LRRTM4: variants seen among roughly 807,000 people sequenced by gnomAD.
LRRTM4 encodes leucine-rich repeat transmembrane neuronal protein 4.
A neutral mutation model predicts 47.6 loss-of-function variants in LRRTM4; 25 were observed. That is an observed-to-expected ratio of 0.53 (90% CI 0.38 to 0.73). The LOEUF (loss-of-function observed/expected upper bound fraction) is 0.73. Among genes scored for constraint, LRRTM4 ranks in the 30% least tolerant of loss-of-function variants. The pLI is 0.00. For synonymous variants in LRRTM4, 311 were observed against 269.5 expected (o/e 1.15, Z -1.51); for missense variants, 638 against 713.4 (o/e 0.89, Z 1.20).
intron 3 of LRRTM4, among the ~76,000 whole-genome samples, chr2:76,796,833 G>T (rs181954610): frequency 6.6e-6 from 1 of 152,036 alleles, no homozygotes; most frequent in Non-Finnish European, 1.5e-5. Flanking sequence ...GAAGGCAGAC[G>T]CCTCAGGAGC....
intron 3 of LRRTM4, among the ~76,000 whole-genome samples, chr2:77,099,006 A>C (rs56709893): frequency 0.18 from 27,974 of 151,868 alleles, 3,419 homozygotes; most frequent in East Asian, 0.48. Flanking sequence ...GGAACCATGG[A>C]AAATTATACA....
At chr2:76,974,339 T>C (rs1352271154) in intron 3 of LRRTM4, among the ~76,000 whole-genome samples, 1 of 149,610 alleles carries the variant, frequency 6.7e-6, no homozygotes, top group Admixed American at 6.7e-5. Context: ...ATTTTGGCTT[T>C]ATCACTCCTG....
At chr2:77,274,138 A>T (rs565370819) in intron 3 of LRRTM4, among the ~76,000 whole-genome samples, 1 of 151,944 alleles carries the variant, frequency 6.6e-6, no homozygotes, top group Non-Finnish European at 1.5e-5. Context: ...CTCATATATG[A>T]TCACATTTAC....
chr2:76,944,180 C>T (rs1195746875), intron 3 of LRRTM4, among the ~76,000 whole-genome samples: 1 of 152,074 alleles, frequency 6.6e-6, no homozygotes, highest in Non-Finnish European at 1.5e-5. Context: ...ACTGTGTTTT[C>T]TGCATGTTGT....
chr2:77,380,224 T>C (rs1322287628), intron 3 of LRRTM4, among the ~76,000 whole-genome samples: 2 of 152,176 alleles, frequency 1.3e-5, no homozygotes, highest in African/African-American at 2.4e-5. Flanking sequence ...TTTTTATTGC[T>C]ACATATTTAA....
At chr2:77,441,644 T>G (rs536146501) in intron 3 of LRRTM4, among the ~76,000 whole-genome samples, 12 of 152,174 alleles carry the variant, frequency 7.9e-5, no homozygotes, top group South Asian at 6.2e-4. Context: ...ATTGCAAAGA[T>G]GTATCATAGT....
intron 3 of LRRTM4, among the ~76,000 whole-genome samples, chr2:77,413,212 T>C (rs145065638): frequency 2.0e-5 from 3 of 152,260 alleles, no homozygotes; most frequent in African/African-American, 7.2e-5. Flanking sequence ...TACCTCAAAA[T>C]GGCTTGAACT....
At chr2:76,965,514 T>A (rs936688299) in intron 3 of LRRTM4, among the ~76,000 whole-genome samples, 1 of 151,360 alleles carries the variant, frequency 6.6e-6, no homozygotes, top group East Asian at 1.9e-4. Flanking sequence ...CATTTAACTT[T>A]GGATGATGTA....
chr2:76,992,814 A>T (rs1006430756), intron 3 of LRRTM4, among the ~76,000 whole-genome samples: 1 of 140,840 alleles, frequency 7.1e-6, no homozygotes, highest in Non-Finnish European at 1.5e-5. Context: ...CAAGATAGCC[A>T]AAGAAATCCT....
intron 3 of LRRTM4, among the ~76,000 whole-genome samples, chr2:76,784,026 A>G (rs946140531): frequency 5.3e-5 from 8 of 152,170 alleles, no homozygotes; most frequent in Non-Finnish European, 8.8e-5. Context: ...TTTTATTGTG[A>G]AAGTGAGAAA....
intron 3 of LRRTM4, among the ~76,000 whole-genome samples, chr2:76,841,903 G>A (rs563126075): frequency 6.6e-6 from 1 of 152,262 alleles, no homozygotes; most frequent in South Asian, 2.1e-4. Flanking sequence ...TGTCAGTGAA[G>A]CTATGGGACA....
rs946499712 is a variant in LRRTM4, at chr2:76,939,439, T to C, written c.1552-190523A>G. On this transcript the variant is annotated intron_variant, in intron 3 of 3. Coordinates refer to ENST00000409884, the MANE Select transcript of LRRTM4 (RefSeq NM_001134745.3). ...TTTAAGAATTGAAAAATTACACAGA[T>C]TTTTTTGTCCACATTCCATTGGTGA... Among the ~76,000 whole-genome samples the C allele has an allele frequency of 1.4e-3, 210 of 152,178 alleles. 1 individual carries two copies. The highest frequency in any genetic ancestry group is 4.9e-3 in the African/African-American group (203 of 41,534).
intron 3 of LRRTM4, among the ~76,000 whole-genome samples, chr2:77,050,781 T>G (rs969428839): frequency 6.6e-6 from 1 of 152,164 alleles, no homozygotes; most frequent in Non-Finnish European, 1.5e-5. Context: ...GGAAAAGTAA[T>G]TTTATTTATT....
intron 3 of LRRTM4, among the ~76,000 whole-genome samples, chr2:77,293,637 A>T (rs1167421539): frequency 6.6e-6 from 1 of 152,134 alleles, no homozygotes; most frequent in African/African-American, 2.4e-5. Context: ...TTGTGAAAAA[A>T]CATTGTGATT....
At chr2:77,296,955 A>T (rs1298901188) in intron 3 of LRRTM4, among the ~76,000 whole-genome samples, 1 of 152,196 alleles carries the variant, frequency 6.6e-6, no homozygotes, top group East Asian at 1.9e-4. Context: ...AGAAAGTGAG[A>T]TCTAGGCTCA....
chr2:77,221,148 C>T lies in LRRTM4; in HGVS notation c.1551+297170G>A, dbSNP rs539121361. Among the ~76,000 whole-genome samples the T allele has an allele frequency of 4.8e-4, 71 of 148,764 alleles. 1 individual carries two copies. The South Asian group carries it at 0.015, about 32-fold the overall frequency. ...AGAAATAAAATACTTTACAGACAAGCAAATGCTGAGATATTTTGTCACCAC... is the reference window on the plus strand; with the variant it reads ...AGAAATAAAATACTTTACAGACAAGTAAATGCTGAGATATTTTGTCACCAC... On this transcript the variant is annotated intron_variant, in intron 3 of 3. Coordinates refer to ENST00000409884, the MANE Select transcript of LRRTM4 (RefSeq NM_001134745.3).
intron 3 of LRRTM4, among the ~76,000 whole-genome samples, chr2:77,414,608 G>A (rs890796770): frequency 7.2e-5 from 11 of 152,158 alleles, no homozygotes; most frequent in African/African-American, 2.7e-4. Flanking sequence ...CATCAGTAAC[G>A]GATGTGCTTT....
At chr2:77,472,149 T>A (rs891349444) in intron 3 of LRRTM4, among the ~76,000 whole-genome samples, 18 of 152,154 alleles carry the variant, frequency 1.2e-4, no homozygotes, top group Non-Finnish European at 2.1e-4. Context: ...GTGATTTTGT[T>A]ATTTGAAATG....
rs373406392 is a variant in LRRTM4, at chr2:77,095,508, C to CTT, written c.1552-346594_1552-346593dup. 5.3e-3 allele frequency among the ~76,000 whole-genome samples: 758 copies of CTT among 144,020 alleles called. 10 individuals are homozygous for CTT. The highest frequency in any genetic ancestry group is 0.013 in the African/African-American group (533 of 39,646). The allele number at this position is 144,020 out of a possible 152,430, so 94.5% of individuals were successfully genotyped here. A position where few individuals can be genotyped will look rare whatever the true frequency, so the allele number is the denominator to read the frequency against. ...CAAAATATGAAATACCATATGCAAA[C>CTT]TTTTTTTTTTTTTTTTAGACAGAGT... On this transcript the variant is annotated intron_variant, in intron 3 of 3. Coordinates refer to ENST00000409884, the MANE Select transcript of LRRTM4 (RefSeq NM_001134745.3).
Sources: allele counts gnomAD v4.1 joint callset (sites outside exome capture counted in the v4.1 genomes callset), GRCh38; gene constraint gnomAD v4.1.1; transcripts MANE v1.5; gene names NCBI Gene and HGNC (gene_info 2026-07-23, HGNC 2026-07-21).